MIGA1: variants seen among roughly 807,000 people sequenced by gnomAD.
MIGA1 encodes mitoguardin 1.
A neutral mutation model predicts 82.0 loss-of-function variants in MIGA1; 58 were observed. The observed-to-expected ratio is 0.71, with a 90% CI of 0.57 to 0.88. The LOEUF is 0.88. MIGA1 is among the 40% of genes least tolerant of loss of function. The probability of loss-of-function intolerance (pLI) is 0.00; values close to 1 mark genes in which losing one functional copy is unlikely to be tolerated. For missense variants in MIGA1, 751 were observed against 749.1 expected, an observed-to-expected ratio of 1.00 and a Z score of -0.03; for synonymous variants, 249 against 253.6, an observed-to-expected ratio of 0.98 and a Z score of 0.17.
Position 77,803,279 on chromosome 1 carries a change from G to A in MIGA1, c.383G>A (p.Cys128Tyr), listed in dbSNP as rs755333363. 2 of 1,521,840 alleles carry A rather than the reference G, an allele frequency of 1.3e-6. No individual in the cohort carries two copies. Among genetic ancestry groups the A allele is most frequent in the Non-Finnish European group, 8.8e-7 (1 of 1,135,050 alleles). 94.3% of individuals were successfully genotyped at this position (1,521,840 alleles called of 1,614,324 possible). The stretch of plus-strand genomic sequence containing the variant: ...TATGTTTATTTGATAGGTTCAAGTT[G>A]TTCCAGTAGCAGACAGAATTTGACA... The change falls in exon 4 of 16, where the codon TGT becomes TAT. Residue 128 changes from cysteine to tyrosine, a missense_variant. Physicochemically the swap from Cys to Tyr is radical, Grantham distance 194. This residue lies in a region of MIGA1 where 482 missense variants were observed against 439.4 expected (regional missense o/e 1.10). Coordinates refer to ENST00000370791, the MANE Select transcript of MIGA1 (RefSeq NM_198549.4).
chr1:77,870,224 C>G (rs1171712311), intron 14 of MIGA1, among the ~76,000 whole-genome samples: 18 of 123,282 alleles, frequency 1.5e-4, no homozygotes, highest in Middle Eastern at 4.7e-3. Context: ...GGGGCTGACC[C>G]CCCCCCCCAC....
At chr1:77,872,808 C>T (rs1467365027) in intron 14 of MIGA1, among the ~76,000 whole-genome samples, 196 bp from the exon 15 acceptor site, 2 of 152,168 alleles carry the variant, frequency 1.3e-5, no homozygotes, top group African/African-American at 4.8e-5. Flanking sequence ...GCCTGTAGTC[C>T]CCACTGCTTA....
chr1:77,823,515 G>A (rs1257243935), intron 7 of MIGA1, among the ~76,000 whole-genome samples: 5 of 152,160 alleles, frequency 3.3e-5, no homozygotes, highest in Admixed American at 6.5e-5. Flanking sequence ...TTGAAATAGT[G>A]CAGAATAGCA....
intron 12 of MIGA1, among the ~76,000 whole-genome samples, chr1:77,863,540 A>C (rs947361220): frequency 3.3e-5 from 5 of 152,214 alleles, no homozygotes; most frequent in African/African-American, 1.2e-4. Context: ...TGTATGAATG[A>C]ATGAAAGAGC....
At chr1:77,852,687 ATTTATTTATTTG>A (rs1685099524) in intron 8 of MIGA1, among the ~76,000 whole-genome samples, 1 of 152,024 alleles carries the variant, frequency 6.6e-6, no homozygotes, top group Non-Finnish European at 1.5e-5. Flanking sequence ...AATGTGGATT[ATTTATTTATTTG>A]TTTATTTGAG....
intron 12 of MIGA1, among the ~76,000 whole-genome samples, chr1:77,862,696 T>C (rs1476670370): frequency 6.6e-6 from 1 of 150,570 alleles, no homozygotes; most frequent in African/African-American, 2.5e-5. Context: ...ATCCCAGCAC[T>C]TTGGGAGGCC....
At chr1:77,828,140 T>TTA (rs1336561075) in intron 7 of MIGA1, among the ~76,000 whole-genome samples, 18 of 152,300 alleles carry the variant, frequency 1.2e-4, no homozygotes, top group African/African-American at 3.8e-4. Flanking sequence ...TGACAATACA[T>TTA]TATAATTATT....
At chr1:77,850,399 T>G (rs1351761164) in intron 8 of MIGA1, among the ~76,000 whole-genome samples, 2 of 152,216 alleles carry the variant, frequency 1.3e-5, no homozygotes, top group Non-Finnish European at 2.9e-5. Flanking sequence ...GGAGGGTGGC[T>G]ATTTTAAGTT....
Position 77,789,105 on chromosome 1 carries a change from A to T in MIGA1, c.195+5754A>T, listed in dbSNP as rs186875162. 9.4e-5 allele frequency among the ~76,000 whole-genome samples: 14 copies of T among 149,526 alleles called. No individual in the cohort carries two copies. The East Asian group carries it at 2.4e-3, about 25-fold the overall frequency. On this transcript the variant is annotated intron_variant, in intron 2 of 15. Coordinates refer to ENST00000370791, the MANE Select transcript of MIGA1 (RefSeq NM_198549.4). ...CTTTCAGCAACGTGTATATATATAT[A>T]TTTTTAAATTGTAGAAGTCTTTCAC... is the stretch of plus-strand genomic sequence containing the variant.
Position 77,859,339 on chromosome 1 carries a change from G to T in MIGA1, c.1141G>T (p.Asp381Tyr), listed in dbSNP as rs1360733957. 1 of 1,613,484 alleles carries T rather than the reference G, an allele frequency of 6.2e-7. No homozygotes were observed. Among genetic ancestry groups the T allele is most frequent in the Non-Finnish European group, 8.5e-7 (1 of 1,179,568 alleles). ...AACTGAAATGTTGGAGTGCCTAGGA[G>T]ACAGTGATTTTCTTGCCAAACTTCA... Residue 381 changes from aspartate to tyrosine, a missense_variant, in exon 10 of 16, where the codon GAC becomes TAC. Physicochemically the swap from Asp to Tyr is radical, Grantham distance 160. Around this residue, in one of 3 missense-constraint regions of MIGA1, gnomAD observed 4 missense variants for 16.0 expected, o/e 0.25. Coordinates refer to ENST00000370791, the MANE Select transcript of MIGA1 (RefSeq NM_198549.4).
At chr1:77,820,243 A>G (rs191151501) in intron 7 of MIGA1, among the ~76,000 whole-genome samples, 110 of 151,922 alleles carry the variant, frequency 7.2e-4, no homozygotes, top group African/African-American at 2.6e-3. Context: ...TCAAGGTTTA[A>G]TCCAAGAACA....
chr1:77,875,206 CTG>C lies in MIGA1; in HGVS notation c.*144_*145del. On this transcript the variant is annotated 3_prime_UTR_variant, in exon 16 of 16. Coordinates refer to ENST00000370791, the MANE Select transcript of MIGA1 (RefSeq NM_198549.4). ...AAAAAATCTACTAAAAAATGAGCAA[CTG>C]TACTGTATTTATACAGAAGTTCTGT... 1.5e-6 allele frequency: 1 copy of C among 671,910 alleles called. No individual in the cohort carries two copies. The highest frequency in any genetic ancestry group is 2.6e-6 in the Non-Finnish European group (1 of 391,480). 41.6% of individuals were successfully genotyped at this position (671,910 alleles called of 1,614,324 possible).
intron 8 of MIGA1, among the ~76,000 whole-genome samples, chr1:77,855,017 TG>T (rs1358277371): frequency 6.6e-6 from 1 of 152,246 alleles, no homozygotes; most frequent in Non-Finnish European, 1.5e-5. Context: ...CTAGAGTTTT[TG>T]TAGTTTCGGG....
rs1335293382 is a variant in MIGA1 at position 77,807,046 on chromosome 1, T to G, written c.582T>G (p.Asp194Glu). ...ATTCCTGGGACAAAGCAGATGAAGA[T>G]GATATTAAACTTGTTAATATTCCTG... Residue 194 changes from aspartate to glutamate, a missense_variant, in exon 5 of 16, where the codon GAT becomes GAG. By Grantham distance (45) the Asp-to-Glu change is conservative. Transcript: ENST00000370791. The G allele has an allele frequency of 1.9e-6, 3 of 1,603,122 alleles. No individual in the cohort carries two copies. Among genetic ancestry groups the G allele is most frequent in the Middle Eastern group, 1.7e-4 (1 of 6,036 alleles).
intron 6 of MIGA1, among the ~76,000 whole-genome samples, 173 bp downstream of exon 6, chr1:77,814,040 C>G (rs991906179): frequency 6.6e-6 from 1 of 151,792 alleles, no homozygotes; most frequent in Non-Finnish European, 1.5e-5. Flanking sequence ...TAGGGATGCA[C>G]CACCATGCCA....
At chr1:77,825,783 A>C (rs543913410) in intron 7 of MIGA1, among the ~76,000 whole-genome samples, 2 of 152,322 alleles carry the variant, frequency 1.3e-5, no homozygotes, top group South Asian at 4.1e-4. Flanking sequence ...AGGCTTAACG[A>C]AAACCTCCAA....
intron 15 of MIGA1, among the ~76,000 whole-genome samples, chr1:77,873,546 G>C (rs1013440329): frequency 6.6e-6 from 1 of 152,164 alleles, no homozygotes; most frequent in Non-Finnish European, 1.5e-5. Context: ...TTAAAGGTGA[G>C]ATGAATGATA....
chr1:77,818,945 T>C (rs1292318858), intron 7 of MIGA1, among the ~76,000 whole-genome samples: 1 of 151,330 alleles, frequency 6.6e-6, no homozygotes, highest in Non-Finnish European at 1.5e-5. Context: ...CTGGGCATGG[T>C]GGTGGGTGCC....
At chr1:77,831,179 G>A (rs1268864837) in intron 7 of MIGA1, among the ~76,000 whole-genome samples, 2 of 152,070 alleles carry the variant, frequency 1.3e-5, no homozygotes, top group Admixed American at 1.3e-4. Context: ...GGGACATATG[G>A]GTTAATTCTT....
Sources: gnomAD v4.1 joint callset for allele counts (sites outside exome capture counted in the v4.1 genomes callset) on GRCh38, gnomAD v4.1.1 for gene constraint, gnomAD v4.1.1 regional missense constraint, MANE v1.5 for transcripts, NCBI Gene and HGNC (gene_info 2026-07-23, HGNC 2026-07-21) for gene names.